Variants in GRID2 observed in about 807,000 individuals in gnomAD.
GRID2 encodes the protein glutamate receptor ionotropic, delta-2.
A neutral mutation model predicts 114.8 loss-of-function variants in GRID2; 33 were observed. That is an observed-to-expected ratio of 0.29 (90% CI 0.22 to 0.38). The LOEUF (loss-of-function observed/expected upper bound fraction) is 0.38, where lower values mean the gene tolerates loss of function less well. GRID2 is among the 10% of genes least tolerant of loss of function. The pLI is 1.00. For synonymous variants in GRID2, 505 were observed against 449.9 expected (o/e 1.12, Z -1.55); for missense variants, 1,184 against 1,257.7 (o/e 0.94, Z 0.89).
chr4:92,869,509 A>G (rs939116940), intron 2 of GRID2, among the ~76,000 whole-genome samples: 16 of 152,226 alleles, frequency 1.1e-4, no homozygotes, highest in African/African-American at 3.4e-4. Context: ...CAGAGATCTT[A>G]GCCCATCTTT....
intron 10 of GRID2, among the ~76,000 whole-genome samples, chr4:93,436,887 A>G (rs1476689444): frequency 6.6e-6 from 1 of 152,180 alleles, no homozygotes; most frequent in African/African-American, 2.4e-5. Flanking sequence ...ATATATTGCA[A>G]TGGAGAAGGG....
intron 1 of GRID2, among the ~76,000 whole-genome samples, chr4:92,421,811 G>T (rs1415820948): frequency 6.6e-6 from 1 of 152,046 alleles, no homozygotes; most frequent in African/African-American, 2.4e-5. Flanking sequence ...ACAAAGAAAA[G>T]AACACTGGGT....
At chr4:92,396,755 G>A (rs943069554) in intron 1 of GRID2, among the ~76,000 whole-genome samples, 2 of 151,982 alleles carry the variant, frequency 1.3e-5, no homozygotes, top group African/African-American at 4.8e-5. Flanking sequence ...GAGAAGTCAA[G>A]ATCTAAAACA....
At chr4:93,179,189 C>A (rs776204082) in intron 4 of GRID2, among the ~76,000 whole-genome samples, 1 of 152,126 alleles carries the variant, frequency 6.6e-6, no homozygotes, top group Non-Finnish European at 1.5e-5. Flanking sequence ...GTTTGTAACA[C>A]ATTTTTTTCC....
chr4:93,233,337 T>TA (rs201540504), intron 7 of GRID2, among the ~76,000 whole-genome samples: 6 of 134,484 alleles, frequency 4.5e-5, no homozygotes, highest in East Asian at 2.1e-4. Context: ...TTATTATTAT[T>TA]TTTTTTTTTA....
intron 11 of GRID2, among the ~76,000 whole-genome samples, chr4:93,461,086 TA>T (rs1723699123): frequency 6.6e-6 from 1 of 152,184 alleles, no homozygotes; most frequent in African/African-American, 2.4e-5. Context: ...ATGCAACAGA[TA>T]ACAAAAGTTA....
At position 93,772,769 on chromosome 4, in the gene GRID2, C is replaced by CT. The variant is rs1345923487; in HGVS notation, c.*275dup. 1.4e-5 allele frequency: 6 copies of CT among 414,548 alleles called. No individual in the cohort carries two copies. The highest frequency in any genetic ancestry group is 1.2e-4 in the African/African-American group (6 of 49,566). The allele number at this position is 414,548 out of a possible 1,614,324, so 25.7% of individuals were successfully genotyped here. On this transcript the variant is annotated 3_prime_UTR_variant, in exon 16 of 16. Coordinates refer to ENST00000282020, the MANE Select transcript of GRID2 (RefSeq NM_001510.4). ...AGTGTACTAGGATCCTATTAGTCTG[C>CT]TTTTCATATACTGTACATCAAGTAT...
At chr4:92,761,723 C>T (rs915793719) in intron 2 of GRID2, among the ~76,000 whole-genome samples, 15 of 152,126 alleles carry the variant, frequency 9.9e-5, no homozygotes, top group Non-Finnish European at 1.5e-4. Context: ...ACCTCCACTC[C>T]ATCCACCTGT....
At chr4:92,695,672 ATTAC>A (rs1031004652) in intron 2 of GRID2, among the ~76,000 whole-genome samples, 5 of 152,136 alleles carry the variant, frequency 3.3e-5, no homozygotes, top group African/African-American at 1.2e-4. Flanking sequence ...TACTGTATCT[ATTAC>A]TTTTTGTTTT....
At chr4:92,811,180 T>G (rs1740649693) in intron 2 of GRID2, among the ~76,000 whole-genome samples, 1 of 152,170 alleles carries the variant, frequency 6.6e-6, no homozygotes, top group Admixed American at 6.6e-5. Flanking sequence ...AGTATGCAAC[T>G]GTCCCTGAAA....
At chr4:93,686,231 C>T (rs560420440) in intron 14 of GRID2, among the ~76,000 whole-genome samples, 2 of 152,122 alleles carry the variant, frequency 1.3e-5, no homozygotes, top group African/African-American at 2.4e-5. Flanking sequence ...CTCACCTTCT[C>T]TCCTGCCCCC....
intron 2 of GRID2, among the ~76,000 whole-genome samples, chr4:92,787,869 G>A (rs116614208): frequency 8.2e-4 from 124 of 151,960 alleles, no homozygotes; most frequent in Non-Finnish European, 1.6e-3. Flanking sequence ...ATCTTTTGAA[G>A]TGAGTGTCAT....
chr4:93,093,435 G>A (rs926067177), intron 3 of GRID2, among the ~76,000 whole-genome samples: 2 of 151,848 alleles, frequency 1.3e-5, no homozygotes, highest in Non-Finnish European at 2.9e-5. Flanking sequence ...ATAGCGATAG[G>A]GATCTCTTTC....
rs138443717 is a variant in GRID2 at position 92,851,424 on chromosome 4, A to G, written c.245-233571A>G. ...GTAAATCATTGAGAGGGTTCAGTTTATATTTCATTGTAGTTATTTCTTATC... is the reference window on the plus strand; with the variant it reads ...GTAAATCATTGAGAGGGTTCAGTTTGTATTTCATTGTAGTTATTTCTTATC... On this transcript the variant is annotated intron_variant, in intron 2 of 15. Transcript: ENST00000282020. Among the ~76,000 whole-genome samples, 116 of 152,080 alleles carry G rather than the reference A, an allele frequency of 7.6e-4. 1 individual carries two copies. The highest frequency in any genetic ancestry group is 2.6e-3 in the African/African-American group (108 of 41,548).
chr4:92,517,023 TA>T (rs1345797086), intron 1 of GRID2, among the ~76,000 whole-genome samples: 2 of 145,692 alleles, frequency 1.4e-5, no homozygotes, highest in Non-Finnish European at 3.1e-5. Flanking sequence ...GAGAAACTTA[TA>T]AACATATCTG....
intron 1 of GRID2, among the ~76,000 whole-genome samples, chr4:92,471,090 C>T (rs1446811111): frequency 6.6e-6 from 1 of 151,922 alleles, no homozygotes; most frequent in Non-Finnish European, 1.5e-5. Flanking sequence ...TTTTCTGGGA[C>T]ATATGAGAAC....
At chr4:93,001,534 GT>G (rs1720985401) in intron 2 of GRID2, among the ~76,000 whole-genome samples, 1 of 151,762 alleles carries the variant, frequency 6.6e-6, no homozygotes, top group East Asian at 1.9e-4. Context: ...AATAGTGAGT[GT>G]TTTACTTGTT....
intron 4 of GRID2, among the ~76,000 whole-genome samples, chr4:93,169,269 T>A (rs987376376): frequency 6.6e-6 from 1 of 152,100 alleles, no homozygotes; most frequent in Non-Finnish European, 1.5e-5. Flanking sequence ...TGTGTCTTTA[T>A]TGATGTACTT....
chr4:92,372,123 A>C (rs1472961926), intron 1 of GRID2, among the ~76,000 whole-genome samples: 1 of 151,894 alleles, frequency 6.6e-6, no homozygotes. Flanking sequence ...ATAGATAAGC[A>C]AAAAAATGTC....
Sources: allele counts gnomAD v4.1 joint callset (sites outside exome capture counted in the v4.1 genomes callset), GRCh38; gene constraint gnomAD v4.1.1; transcripts MANE v1.5; gene names NCBI Gene and HGNC (gene_info 2026-07-23, HGNC 2026-07-21).